Variants in ANKLE2 observed in about 807,000 individuals in gnomAD.
ANKLE2 encodes ankyrin repeat and LEM domain-containing protein 2.
Under a neutral mutation model 84.2 loss-of-function variants are expected in ANKLE2, and 55 were observed. The observed-to-expected ratio is 0.65, with a 90% CI of 0.53 to 0.82. The LOEUF (loss-of-function observed/expected upper bound fraction) is 0.82, where lower values mean the gene tolerates loss of function less well. ANKLE2 is among the 40% of genes least tolerant of loss of function. The probability of loss-of-function intolerance (pLI) is 0.00; values close to 1 mark genes in which losing one functional copy is unlikely to be tolerated. For missense variants in ANKLE2, 1,238 were observed against 1,201.9 expected (o/e 1.03, Z -0.44); for synonymous variants, 551 against 486.1 (o/e 1.13, Z -1.76).
chr12:132,735,762 A>C (rs542149478), intron 8 of ANKLE2, among the ~76,000 whole-genome samples: 2 of 152,174 alleles, frequency 1.3e-5, no homozygotes, highest in Non-Finnish European at 2.9e-5. Context: ...TGAGGTTCAG[A>C]ACCAGGAGGG....
chr12:132,759,117 AC>A (rs2044552755), intron 1 of ANKLE2: 1 of 23,078 alleles, frequency 4.3e-5, no homozygotes, highest in Admixed American at 4.2e-4. Context: ...AGAGTGGATC[AC>A]GCAGAGTGGC....
rs1161391545 is a variant in ANKLE2, at chr12:132,727,202, C to G, written c.*40G>C. 6.7e-7 allele frequency: 1 copy of G among 1,492,910 alleles called. No homozygotes were observed. Among genetic ancestry groups the G allele is most frequent in the Non-Finnish European group, 8.9e-7 (1 of 1,117,874 alleles). The allele number at this position is 1,492,910 out of a possible 1,614,324, so 92.5% of individuals were successfully genotyped here. On this transcript the variant is annotated 3_prime_UTR_variant, in exon 13 of 13. Coordinates refer to ENST00000357997, the MANE Select transcript of ANKLE2 (RefSeq NM_015114.3). ...AGCAATAAACATATGACCCTTCCTT[C>G]TTTAAAAATGAAGAACAAACCGAGA...
In ANKLE2 at chr12:132,743,479, A is replaced by T. The variant is rs1222557629; in HGVS notation, c.1231-203T>A. Among the ~76,000 whole-genome samples, 1 of 150,208 alleles carries T rather than the reference A, an allele frequency of 6.7e-6. No individual in the cohort carries two copies. Among genetic ancestry groups the T allele is most frequent in the Non-Finnish European group, 1.5e-5 (1 of 67,724 alleles). ...CTCAGGCTCCCCAGTACCTGGGACT[A>T]CAGGCACCCGCCACCACACCCAGCT... On this transcript the variant is annotated intron_variant, in intron 5 of 12. Transcript: ENST00000357997. This position sits in a 1 kb window ranked among gnomAD's most constrained non-coding sequence, Gnocchi z 4.1.
chr12:132,758,213 C>G (rs1228133087), intron 1 of ANKLE2: 1 of 152,092 alleles, frequency 6.6e-6, no homozygotes, highest in Admixed American at 6.6e-5. Context: ...TGTTTGAGAC[C>G]AGCCTGGCCA....
Position 132,747,834 on chromosome 12 carries a change from T to C in ANKLE2, c.1228A>G (p.Met410Val), listed in dbSNP as rs757745104. Residue 410 changes from methionine (M) to valine (V), a missense_variant and splice_region_variant, in exon 5 of 13, where the codon ATG becomes GTG. Transcript: ENST00000357997. ...VDLYLNTPDK[M>V]GYDTPLHFAC... ...GTGAGTGGAGGGTGTGCACGCACCA[T>C]CTTGTCGGGGGTGTTGAGGTACAGG... 18 of 1,594,708 alleles carry C rather than the reference T, an allele frequency of 1.1e-5. 1 individual carries two copies. In the South Asian group the frequency reaches 1.9e-4, roughly 17 times the overall value.
In ANKLE2 at chr12:132,729,922, C is replaced by T; in HGVS notation, c.2240G>A (p.Ser747Asn). The T allele has an allele frequency of 6.2e-7, 1 of 1,613,672 alleles. No homozygotes were observed. The highest frequency in any genetic ancestry group is 1.1e-5 in the South Asian group (1 of 91,088). ...DKLNLQNIGR[S>N]VSKTPDESTK... is the part of the protein sequence containing the mutation. ...ACTTTCATCTGGTGTCTTGGAAACGCTACGTCCTATATTTTGCAAATTCAG... is the reference window on the plus strand; with the variant it reads ...ACTTTCATCTGGTGTCTTGGAAACGTTACGTCCTATATTTTGCAAATTCAG... The change falls in exon 11 of 13, where the codon AGC becomes AAC. Residue 747 changes from serine to asparagine, a missense_variant. This residue lies in a region of ANKLE2 where 802 missense variants were observed against 774.5 expected (regional missense o/e 1.04). Transcript: ENST00000357997.
chr12:132,742,727 TGCCAACACCACC>T (rs1472164043), intron 6 of ANKLE2, among the ~76,000 whole-genome samples: 1 of 138,804 alleles, frequency 7.2e-6, no homozygotes, highest in Admixed American at 7.4e-5. Flanking sequence ...TCACCACCAC[TGCCAACACCACC>T]ATGATCATTG....
intron 2 of ANKLE2, 94 bp downstream of exon 2, chr12:132,754,581 C>A: frequency 2.3e-6 from 3 of 1,294,470 alleles, no homozygotes; most frequent in Non-Finnish European, 3.2e-6. Flanking sequence ...GGATTTTTTC[C>A]TTCTTAATCT....
At chr12:132,754,442 C>T (rs1190901655) in intron 2 of ANKLE2, among the ~76,000 whole-genome samples, 1 of 152,176 alleles carries the variant, frequency 6.6e-6, no homozygotes, top group African/African-American at 2.4e-5. Context: ...CTCAGTCCAG[C>T]ATATCTCATA....
chr12:132,733,109 G>A (rs1214186464), intron 10 of ANKLE2, among the ~76,000 whole-genome samples: 5 of 140,836 alleles, frequency 3.6e-5, no homozygotes, highest in Admixed American at 1.4e-4. Flanking sequence ...TCTGCGTCCT[G>A]GTGTCTGATA....
chr12:132,735,595 A>C (rs2043992787), intron 8 of ANKLE2, 83 bp from the exon 9 acceptor site: 1 of 1,097,788 alleles, frequency 9.1e-7, no homozygotes, highest in African/African-American at 1.6e-5. Context: ...TCGTCATCGC[A>C]GTAGCTGCCT....
At position 132,743,069 on chromosome 12, in the gene ANKLE2, T is replaced by C; in HGVS notation, c.1353+85A>G. ...AACTCATACAGAGCTCCTTGTGGCT[T>C]CCCTGTGCCTGTGATCACAGACTGT... On this transcript the variant is annotated intron_variant, in intron 6 of 12. Transcript: ENST00000357997. This position sits in a 1 kb window ranked among gnomAD's most constrained non-coding sequence, Gnocchi z 4.1. The C allele has an allele frequency of 7.5e-7, 1 of 1,341,594 alleles. No individual in the cohort carries two copies. Among genetic ancestry groups the C allele is most frequent in the African/African-American group, 1.5e-5 (1 of 67,346 alleles). 83.1% of individuals were successfully genotyped at this position (1,341,594 alleles called of 1,614,324 possible).
At chr12:132,741,620 C>T in intron 6 of ANKLE2, 135 bp from the exon 7 acceptor site, 1 of 869,214 alleles carries the variant, frequency 1.2e-6, no homozygotes, top group South Asian at 1.6e-5. Flanking sequence ...ATAAAGCTCA[C>T]ACTCAGAAAA....
chr12:132,734,732 T>C lies in ANKLE2; in HGVS notation c.1701-157A>G, dbSNP rs1325287680. 3 of 724,280 alleles carry C rather than the reference T, an allele frequency of 4.1e-6. No homozygotes were observed. In the Admixed American group the frequency reaches 9.6e-5, roughly 23 times the overall value. The allele number at this position is 724,280 out of a possible 1,614,324, so 44.9% of individuals were successfully genotyped here. On this transcript the variant is annotated intron_variant, in intron 9 of 12. Coordinates refer to ENST00000357997, the MANE Select transcript of ANKLE2 (RefSeq NM_015114.3). ...TTAACTGGCAGCTGAAATCATACGG[T>C]GCATTTTCTGAAACAGCACGCCTCC...
intron 1 of ANKLE2, chr12:132,759,934 G>A (rs1301781872): frequency 1.3e-5 from 2 of 152,088 alleles, no homozygotes; most frequent in Non-Finnish European, 2.9e-5. Context: ...AGGAATTCGA[G>A]ACCATCCTGG....
rs1036024549 is a variant in ANKLE2, at chr12:132,750,221, A to G, written c.847+422T>C. Among the ~76,000 whole-genome samples, 8 of 150,844 alleles carry G rather than the reference A, an allele frequency of 5.3e-5. No individual in the cohort carries two copies. The South Asian group carries it at 8.3e-4, about 16-fold the overall frequency. On this transcript the variant is annotated intron_variant, in intron 3 of 12. Coordinates refer to ENST00000357997, the MANE Select transcript of ANKLE2 (RefSeq NM_015114.3). ...CTCCATCTCAAAAAAAAAAAAAAAAAAAAGAAAAAGTTTAAATTAGCTGGG... is the reference window on the plus strand; with the variant it reads ...CTCCATCTCAAAAAAAAAAAAAAAAGAAAGAAAAAGTTTAAATTAGCTGGG...
chr12:132,744,147 G>A (rs762068593), intron 5 of ANKLE2, among the ~76,000 whole-genome samples: 8 of 152,070 alleles, frequency 5.3e-5, no homozygotes, highest in Non-Finnish European at 1.2e-4. Flanking sequence ...CTTATGCTCT[G>A]GGCAGTCTCA....
chr12:132,734,678 G>A, intron 9 of ANKLE2, 103 bp from the exon 10 acceptor site: 3 of 1,152,688 alleles, frequency 2.6e-6, no homozygotes, highest in Non-Finnish European at 3.7e-6. Context: ...AGCAATGTCT[G>A]CAATCATGGT....
intron 7 of ANKLE2, chr12:132,738,527 G>GTT (rs75342385): frequency 0.018 from 2,680 of 145,540 alleles, 90 homozygotes; most frequent in African/African-American, 0.06. Context: ...TAGTTTCATA[G>GTT]TTTTTTTTTT....
Sources: allele counts gnomAD v4.1 joint callset (sites outside exome capture counted in the v4.1 genomes callset), GRCh38; gene constraint gnomAD v4.1.1; regional missense constraint gnomAD v4.1.1; non-coding constraint Gnocchi (gnomAD v3.1); transcripts MANE v1.5; gene names NCBI Gene and HGNC (gene_info 2026-07-23, HGNC 2026-07-21).